The following VWA8 variants were observed in gnomAD, a reference collection of about 807,000 sequenced individuals.
VWA8 encodes the protein von Willebrand factor A domain-containing protein 8.
VWA8 carries 221 observed loss-of-function variants against 241.5 expected under a neutral mutation model. That is an observed-to-expected ratio of 0.91 (90% CI 0.82 to 1.02). The LOEUF (loss-of-function observed/expected upper bound fraction) is 1.02. Ranked by LOEUF, VWA8 falls within the 50% of genes least tolerant of loss-of-function variation. The pLI is 0.00. For missense variants in VWA8, 2,322 were observed against 2,328.7 expected, an observed-to-expected ratio of 1.00 and a Z score of 0.06; for synonymous variants, 852 against 827.1, an observed-to-expected ratio of 1.03 and a Z score of -0.52.
chr13:41,758,404 ATATATATATATATATATATATATATACG>A, intron 21 of VWA8, among the ~76,000 whole-genome samples: 3 of 80,784 alleles, frequency 3.7e-5, no homozygotes, highest in African/African-American at 1.3e-4. Flanking sequence ...GCTAGTATAT[ATATATATATATATATATATATATATACG>A]CTAGTATATA....
intron 2 of VWA8, among the ~76,000 whole-genome samples, chr13:41,940,681 CT>C (rs1877557307): frequency 6.6e-6 from 1 of 152,170 alleles, no homozygotes; most frequent in Non-Finnish European, 1.5e-5. Flanking sequence ...GCATATGTGG[CT>C]AAAGATTTTA....
chr13:41,579,628 T>A (rs934048742), intron 42 of VWA8, among the ~76,000 whole-genome samples: 1 of 152,208 alleles, frequency 6.6e-6, no homozygotes, highest in African/African-American at 2.4e-5. Flanking sequence ...CCCAGGGTCA[T>A]TGAAAGGATA....
chr13:41,740,329 T>C (rs1295227076), intron 21 of VWA8, among the ~76,000 whole-genome samples: 1 of 152,230 alleles, frequency 6.6e-6, no homozygotes. Context: ...CCCTATGTCA[T>C]AGTGATATAG....
chr13:41,954,833 T>C (rs1293004561), intron 1 of VWA8, among the ~76,000 whole-genome samples: 1 of 152,224 alleles, frequency 6.6e-6, no homozygotes, highest in Non-Finnish European at 1.5e-5. Flanking sequence ...GGAAATGTCA[T>C]CGTTTGCAAC....
At chr13:41,747,064 T>C (rs914293908) in intron 21 of VWA8, among the ~76,000 whole-genome samples, 1 of 152,222 alleles carries the variant, frequency 6.6e-6, no homozygotes, top group Admixed American at 6.5e-5. Context: ...TGGCTTAGGA[T>C]TGACTTGGCA....
chr13:41,833,597 C>A, intron 12 of VWA8, 66 bp from the exon 13 acceptor site: 1 of 1,472,872 alleles, frequency 6.8e-7, no homozygotes, highest in Non-Finnish European at 9.0e-7. Context: ...TGCAAGGTAG[C>A]TTACATGGCT....
Position 41,909,756 on chromosome 13 carries a change from C to T in VWA8, c.373-2060G>A, listed in dbSNP as rs551928443. ...CAAAGTCTCCCCAGGTGCTGATTCA[C>T]GAAAGAGGCATGAGTACATTCACAA... On this transcript the variant is annotated intron_variant, in intron 3 of 44. Transcript: ENST00000379310. Among the ~76,000 whole-genome samples, 22 of 152,252 alleles carry T rather than the reference C, an allele frequency of 1.4e-4. 1 individual carries two copies. In the East Asian group the frequency reaches 1.5e-3, roughly 11 times the overall value.
intron 37 of VWA8, among the ~76,000 whole-genome samples, chr13:41,626,652 A>G (rs2044693739): frequency 1.3e-5 from 2 of 152,230 alleles, no homozygotes; most frequent in Admixed American, 6.5e-5. Context: ...AAAGCCAACT[A>G]TAACAAGAAA....
chr13:41,672,396 T>C (rs555544370), intron 36 of VWA8, among the ~76,000 whole-genome samples: 3 of 152,298 alleles, frequency 2.0e-5, no homozygotes, highest in East Asian at 3.9e-4. Flanking sequence ...GCTCTTATTA[T>C]ACAAAAGTGA....
intron 37 of VWA8, among the ~76,000 whole-genome samples, chr13:41,668,428 C>G (rs1018404469): frequency 1.3e-5 from 2 of 152,096 alleles, no homozygotes; most frequent in African/African-American, 4.8e-5. Flanking sequence ...TATGGAGAAC[C>G]TATTCTCTTT....
chr13:41,703,630 G>A (rs2045264498), intron 26 of VWA8, among the ~76,000 whole-genome samples: 1 of 152,068 alleles, frequency 6.6e-6, no homozygotes, highest in Admixed American at 6.6e-5. Context: ...AGAAGGTAAG[G>A]CAAGGTCCTG....
chr13:41,630,868 G>A (rs566017586), intron 37 of VWA8, among the ~76,000 whole-genome samples: 6 of 152,270 alleles, frequency 3.9e-5, no homozygotes, highest in African/African-American at 1.2e-4. Context: ...GCAAGCATGG[G>A]AGTCTGCTCA....
chr13:41,777,032 C>T (rs1868627514), intron 20 of VWA8, among the ~76,000 whole-genome samples: 1 of 152,154 alleles, frequency 6.6e-6, no homozygotes, highest in African/African-American at 2.4e-5. Flanking sequence ...ACCAAAAGTG[C>T]TGTTCACTGT....
At chr13:41,619,111 G>A (rs894690065) in intron 37 of VWA8, among the ~76,000 whole-genome samples, 7 of 152,146 alleles carry the variant, frequency 4.6e-5, no homozygotes, top group African/African-American at 1.7e-4. Context: ...CATGAGCATG[G>A]AATGTTCTTC....
At chr13:41,573,006 G>A (rs1593622886) in intron 43 of VWA8, among the ~76,000 whole-genome samples, 1 of 151,080 alleles carries the variant, frequency 6.6e-6, no homozygotes, top group African/African-American at 2.4e-5. Context: ...CTGCTCGGAG[G>A]GCTGGGACAG....
chr13:41,830,157 G>A (rs183612326), intron 14 of VWA8, among the ~76,000 whole-genome samples: 1,987 of 151,608 alleles, frequency 0.013, 24 homozygotes, highest in Middle Eastern at 0.048. Context: ...GCAGGAGAAT[G>A]GCATGGACCT....
rs752643053 is a variant in VWA8 at position 41,699,149 on chromosome 13, A to G, written c.3486T>C (p.Asn1162=). The change falls in exon 29 of 45, where the codon AAT becomes AAC. Residue 1162 remains asparagine, a synonymous_variant. Transcript: ENST00000379310. ...DFFDIFPRTA[N]GVWHPFVTVA... ...CTGTCACAAAAGGGTGCCAAACGCC[A>G]TTGGCTGTTCTTGGGAAGATATCAA... 3.3e-5 allele frequency: 53 copies of G among 1,614,028 alleles called. No homozygotes were observed. Among genetic ancestry groups the G allele is most frequent in the Non-Finnish European group, 4.2e-5 (50 of 1,180,016 alleles).
chr13:41,818,130 T>G (rs1870778263), intron 15 of VWA8, among the ~76,000 whole-genome samples: 1 of 151,854 alleles, frequency 6.6e-6, no homozygotes, highest in South Asian at 2.1e-4. Flanking sequence ...GCCCAGCTAG[T>G]TTTTTGTATT....
chr13:41,899,249 ATTT>A (rs1346880951), intron 4 of VWA8, among the ~76,000 whole-genome samples: 1 of 152,248 alleles, frequency 6.6e-6, no homozygotes, highest in South Asian at 2.1e-4. Flanking sequence ...AATATAAATT[ATTT>A]ATTAATTTTA....
Sources: gnomAD v4.1 joint callset for allele counts (sites outside exome capture counted in the v4.1 genomes callset) on GRCh38, gnomAD v4.1.1 for gene constraint, MANE v1.5 for transcripts, NCBI Gene and HGNC (gene_info 2026-07-23, HGNC 2026-07-21) for gene names.